The following SLC25A26 variants were observed in gnomAD, a reference collection of about 807,000 sequenced individuals.
The protein encoded by SLC25A26 is mitochondrial S-adenosylmethionine carrier protein.
In SLC25A26, 36 loss-of-function variants were observed where a neutral mutation model predicts 37.8. The observed-to-expected ratio is 0.95, with a 90% CI of 0.73 to 1.26. The LOEUF is 1.26. SLC25A26 is among the 50% of genes most tolerant of loss of function. SLC25A26 has a pLI of 0.00. For missense variants in SLC25A26, 390 were observed against 331.1 expected, an observed-to-expected ratio of 1.18 and a Z score of -1.38; for synonymous variants, 129 against 122.5, an observed-to-expected ratio of 1.05 and a Z score of -0.35.
intron 1 of SLC25A26, among the ~76,000 whole-genome samples, chr3:66,208,972 G>A (rs1175016197): frequency 2.6e-5 from 2 of 75,892 alleles, no homozygotes; most frequent in Non-Finnish European, 4.4e-5. Context: ...ATATAAAGGT[G>A]TGTATATATA....
rs116121144 is a variant in SLC25A26 at position 66,373,720 on chromosome 3, A to G, written c.707+3118A>G. On this transcript the variant is annotated intron_variant, in intron 9 of 9. Coordinates refer to ENST00000354883, the MANE Select transcript of SLC25A26 (RefSeq NM_001379210.1). Reference sequence around the variant, plus strand: ...CAAGTGTAGTTTGGTTTTCAATACAATTTTCATGGTTATTTTTGGACAAGT... The same window carrying G: ...CAAGTGTAGTTTGGTTTTCAATACAGTTTTCATGGTTATTTTTGGACAAGT... 9.0e-3 allele frequency among the ~76,000 whole-genome samples: 1,349 copies of G among 149,468 alleles called. 29 individuals are homozygous for G. Among genetic ancestry groups the G allele is most frequent in the African/African-American group, 0.032 (1,300 of 40,420 alleles).
At chr3:66,265,429 A>G (rs1306472313) in intron 5 of SLC25A26, among the ~76,000 whole-genome samples, 1 of 152,260 alleles carries the variant, frequency 6.6e-6, no homozygotes, top group Non-Finnish European at 1.5e-5. Flanking sequence ...GGTGAGATAT[A>G]AGAGAAGTCT....
intron 1 of SLC25A26, among the ~76,000 whole-genome samples, chr3:66,209,207 C>T (rs1351969207): frequency 6.0e-5 from 8 of 132,784 alleles, no homozygotes; most frequent in African/African-American, 1.6e-4. Context: ...TATATTTTGA[C>T]AGACAAAACA....
At chr3:66,221,165 C>T (rs1553658198) in intron 1 of SLC25A26, 38 bp downstream of exon 1, 3 of 1,498,686 alleles carry the variant, frequency 2.0e-6, no homozygotes, top group African/African-American at 1.4e-5. Context: ...CTCAGAGTGC[C>T]GGCGTCCGGC....
chr3:66,333,504 T>C (rs1194734100), intron 5 of SLC25A26, among the ~76,000 whole-genome samples: 1 of 152,198 alleles, frequency 6.6e-6, no homozygotes, highest in Non-Finnish European at 1.5e-5. Context: ...ATCTCCCCAG[T>C]GTCCCTTAAT....
intron 1 of SLC25A26, among the ~76,000 whole-genome samples, chr3:66,230,579 G>A (rs1342171967): frequency 1.3e-5 from 2 of 151,842 alleles, no homozygotes; most frequent in South Asian, 2.1e-4. Flanking sequence ...TGAGGTGGGC[G>A]GATCACCTGA....
chr3:66,197,132 A>G (rs890057052), intron 1 of SLC25A26, among the ~76,000 whole-genome samples: 2 of 152,190 alleles, frequency 1.3e-5, no homozygotes, highest in Non-Finnish European at 2.9e-5. Context: ...ATTTGAGAGT[A>G]ATGTGTAAGA....
At chr3:66,374,218 AACC>A (rs1575626261) in intron 9 of SLC25A26, among the ~76,000 whole-genome samples, 2 of 97,054 alleles carry the variant, frequency 2.1e-5, no homozygotes, top group East Asian at 4.3e-4. Context: ...GGTTTGTGGC[AACC>A]CTGCGTTGAG....
rs527749429 is a variant in SLC25A26 at position 66,355,388 on chromosome 3, C to T, written c.499-7472C>T. Among the ~76,000 whole-genome samples, 5 of 152,240 alleles carry T rather than the reference C, an allele frequency of 3.3e-5. No individual in the cohort carries two copies. In the East Asian group the frequency reaches 5.8e-4, roughly 18 times the overall value. On this transcript the variant is annotated intron_variant, in intron 6 of 9. Coordinates refer to ENST00000354883, the MANE Select transcript of SLC25A26 (RefSeq NM_001379210.1). ...TTGATGCTGCTTGCACATCCCAGAA[C>T]AGTTTCAGTCTAGCTGCCTTTATAA...
chr3:66,351,920 A>G (rs891335721), intron 6 of SLC25A26, among the ~76,000 whole-genome samples: 2 of 151,970 alleles, frequency 1.3e-5, no homozygotes, highest in African/African-American at 4.8e-5. Context: ...TTCCCAAAAT[A>G]TCTTCTTCAC....
At chr3:66,299,460 G>C (rs2075008001) in intron 5 of SLC25A26, among the ~76,000 whole-genome samples, 1 of 152,140 alleles carries the variant, frequency 6.6e-6, no homozygotes, top group African/African-American at 2.4e-5. Context: ...AAAATGCTGG[G>C]ATTATAAGTG....
intron 2 of SLC25A26, among the ~76,000 whole-genome samples, chr3:66,239,697 C>T (rs1285209798): frequency 2.6e-5 from 4 of 152,096 alleles, no homozygotes; most frequent in Non-Finnish European, 5.9e-5. Flanking sequence ...TTATAGCAAC[C>T]CTTTACCCAC....
upstream of SLC25A26, among the ~76,000 whole-genome samples, chr3:66,216,912 G>C (rs1227855190): frequency 6.6e-6 from 1 of 152,146 alleles, no homozygotes; most frequent in Non-Finnish European, 1.5e-5. Flanking sequence ...GCATGCACAA[G>C]TAGTAATGAG....
intron 3 of SLC25A26, among the ~76,000 whole-genome samples, chr3:66,248,838 A>G (rs752429248): frequency 6.6e-6 from 1 of 152,188 alleles, no homozygotes; most frequent in Non-Finnish European, 1.5e-5. Context: ...ATACTTCACC[A>G]TCAGTTGCGT....
chr3:66,333,577 C>G (rs935374410), intron 5 of SLC25A26, among the ~76,000 whole-genome samples: 1 of 152,154 alleles, frequency 6.6e-6, no homozygotes, highest in Admixed American at 6.5e-5. Flanking sequence ...GGTTTATTCC[C>G]TTCATCTTGA....
rs577710694 is a variant in SLC25A26, at chr3:66,270,996, C to T, written c.453+7617C>T. ...TGGCCATGTTGTCCTGAAGGGGCACCAGTTCCTGTGTGTATGGTTTATGGG... is the reference window on the plus strand; with the variant it reads ...TGGCCATGTTGTCCTGAAGGGGCACTAGTTCCTGTGTGTATGGTTTATGGG... On this transcript the variant is annotated intron_variant, in intron 5 of 9. Transcript: ENST00000354883. Among the ~76,000 whole-genome samples the T allele has an allele frequency of 9.9e-4, 151 of 152,216 alleles. 2 individuals are homozygous for T. The highest frequency in any genetic ancestry group is 9.9e-3 in the Admixed American group (151 of 15,278).
intron 1 of SLC25A26, among the ~76,000 whole-genome samples, chr3:66,197,870 G>C (rs964454767): frequency 6.6e-6 from 1 of 152,086 alleles, no homozygotes. Flanking sequence ...AGAAAATCAG[G>C]GTTAGATTCA....
chr3:66,304,494 T>G (rs776772805), intron 5 of SLC25A26: 4 of 455,130 alleles, frequency 8.8e-6, no homozygotes, highest in South Asian at 4.6e-5. Context: ...CTTGTGAGCT[T>G]CTGTGAGTTG....
chr3:66,367,297 G>C (rs750879217), intron 7 of SLC25A26, among the ~76,000 whole-genome samples: 4 of 152,176 alleles, frequency 2.6e-5, no homozygotes, highest in Non-Finnish European at 4.4e-5. Context: ...GGAGACCAGT[G>C]GGTAAGAGTC....
Sources: gnomAD v4.1 joint callset for allele counts (sites outside exome capture counted in the v4.1 genomes callset) on GRCh38, gnomAD v4.1.1 for gene constraint, MANE v1.5 for transcripts, NCBI Gene and HGNC (gene_info 2026-07-23, HGNC 2026-07-21) for gene names.